The following CNTLN variants were observed in gnomAD, a reference collection of about 807,000 sequenced individuals.
The protein encoded by CNTLN is centlein.
CNTLN carries 212 observed loss-of-function variants against 180.0 expected under a neutral mutation model. The ratio of observed to expected loss-of-function variants is 1.18; its 90% CI spans 1.05 to 1.32. CNTLN has a LOEUF of 1.32. CNTLN is among the 40% of genes most tolerant of loss of function. The pLI, the probability that CNTLN is intolerant of heterozygous loss-of-function variation, is 0.00. For missense variants in CNTLN, 2,095 were observed against 1,610.9 expected, an observed-to-expected ratio of 1.30 and a Z score of -5.14; for synonymous variants, 722 against 563.1, an observed-to-expected ratio of 1.28 and a Z score of -3.99.
At chr9:17,416,871 C>T (rs542397271) in intron 18 of CNTLN, among the ~76,000 whole-genome samples, 32 of 150,544 alleles carry the variant, frequency 2.1e-4, no homozygotes, top group Non-Finnish European at 4.6e-4. Context: ...AATTATTTTG[C>T]ACAGAAAAAT....
At chr9:17,496,337 A>G (rs1487737328) in intron 25 of CNTLN, among the ~76,000 whole-genome samples, 1 of 152,208 alleles carries the variant, frequency 6.6e-6, no homozygotes, top group Non-Finnish European at 1.5e-5. Context: ...GAGAAGTCCA[A>G]GATCAGGCAT....
intron 18 of CNTLN, among the ~76,000 whole-genome samples, chr9:17,440,914 C>A (rs1165437564): frequency 1.3e-5 from 2 of 152,110 alleles, no homozygotes; most frequent in African/African-American, 4.8e-5. Context: ...AAATTGGATT[C>A]AGTGGTTGAC....
At chr9:17,206,404 G>A (rs894013325) in intron 2 of CNTLN, among the ~76,000 whole-genome samples, 12 of 152,246 alleles carry the variant, frequency 7.9e-5, no homozygotes, top group Non-Finnish European at 1.6e-4. Context: ...TTGCAAAATC[G>A]GATGACATTA....
chr9:17,179,744 A>G (rs1007430140), intron 2 of CNTLN, among the ~76,000 whole-genome samples: 1 of 152,160 alleles, frequency 6.6e-6, no homozygotes, highest in Non-Finnish European at 1.5e-5. Flanking sequence ...AGTTCTATAC[A>G]TTGTTGAGAG....
At chr9:17,287,326 T>C (rs1176734329) in intron 6 of CNTLN, among the ~76,000 whole-genome samples, 1 of 148,400 alleles carries the variant, frequency 6.7e-6, no homozygotes, top group Non-Finnish European at 1.5e-5. Flanking sequence ...TTTGCGTATA[T>C]TGAACCAGCC....
chr9:17,368,126 G>C (rs961019023), intron 13 of CNTLN, among the ~76,000 whole-genome samples: 1 of 151,902 alleles, frequency 6.6e-6, no homozygotes, highest in African/African-American at 2.4e-5. Context: ...TGCACTGAAA[G>C]GTGAGTCCCA....
At chr9:17,199,304 C>T (rs538748289) in intron 2 of CNTLN, among the ~76,000 whole-genome samples, 7 of 151,148 alleles carry the variant, frequency 4.6e-5, no homozygotes, top group South Asian at 2.1e-4. Context: ...CTCTGCCTCC[C>T]GGGTTCAAGC....
chr9:17,426,092 G>C (rs946558560), intron 18 of CNTLN, among the ~76,000 whole-genome samples: 1 of 152,214 alleles, frequency 6.6e-6, no homozygotes, highest in Non-Finnish European at 1.5e-5. Context: ...ATCAGGAACA[G>C]AGATTGGATT....
At chr9:17,236,656 G>A (rs1014414320) in intron 5 of CNTLN, 68 bp downstream of exon 5, 16 of 1,286,080 alleles carry the variant, frequency 1.2e-5, no homozygotes, top group Non-Finnish European at 1.6e-5. Flanking sequence ...TTTAATACAT[G>A]TTATTTTCTT....
chr9:17,274,353 A>C (rs1828152418), intron 6 of CNTLN, among the ~76,000 whole-genome samples: 2 of 150,446 alleles, frequency 1.3e-5, no homozygotes, highest in Admixed American at 1.3e-4. Flanking sequence ...CTGTTTTTTA[A>C]AGATGTTAAA....
chr9:17,359,008 C>G (rs143063951), intron 12 of CNTLN, among the ~76,000 whole-genome samples: 1 of 146,872 alleles, frequency 6.8e-6, no homozygotes. Context: ...TTCCTCTCCT[C>G]TCCCCTCCCC....
At chr9:17,514,229 G>C in the CNTLN span, among the ~76,000 whole-genome samples, 8 of 152,022 alleles carry the variant, frequency 5.3e-5, no homozygotes, top group Non-Finnish European at 1.2e-4. Context: ...AGGATCGCTT[G>C]AGTCTGGGGA....
intron 5 of CNTLN, among the ~76,000 whole-genome samples, chr9:17,269,417 C>A (rs1827773394): frequency 6.6e-6 from 1 of 152,060 alleles, no homozygotes; most frequent in African/African-American, 2.4e-5. Context: ...TTGCCTCTTA[C>A]CATTCCTTTT....
chr9:17,240,759 A>G (rs1825435175), intron 5 of CNTLN, among the ~76,000 whole-genome samples: 1 of 152,128 alleles, frequency 6.6e-6, no homozygotes, highest in Non-Finnish European at 1.5e-5. Flanking sequence ...ATATGATCCC[A>G]TGTGTACATT....
At chr9:17,349,674 C>A (rs1358953146) in intron 12 of CNTLN, among the ~76,000 whole-genome samples, 1 of 151,994 alleles carries the variant, frequency 6.6e-6, no homozygotes, top group African/African-American at 2.4e-5. Context: ...GAATATAGTT[C>A]CTATAATATT....
At chr9:17,464,182 A>G (rs1831610974) in intron 20 of CNTLN, among the ~76,000 whole-genome samples, 1 of 151,380 alleles carries the variant, frequency 6.6e-6, no homozygotes, top group Non-Finnish European at 1.5e-5. Context: ...TTTCACAGCA[A>G]TGTAAAAATG....
At chr9:17,528,505 C>T in the CNTLN span, among the ~76,000 whole-genome samples, 2 of 152,106 alleles carry the variant, frequency 1.3e-5, no homozygotes, top group South Asian at 2.1e-4. Flanking sequence ...CTGTCCCACC[C>T]GAAAGGACAC....
At chr9:17,258,050 C>G (rs1826646253) in intron 5 of CNTLN, among the ~76,000 whole-genome samples, 1 of 150,790 alleles carries the variant, frequency 6.6e-6, no homozygotes, top group African/African-American at 2.5e-5. Flanking sequence ...GAAGTCCTTG[C>G]CCATGCCTAT....
intron 2 of CNTLN, among the ~76,000 whole-genome samples, chr9:17,164,455 A>ATTTTTTTT (rs1586971182): frequency 2.3e-5 from 2 of 88,214 alleles, no homozygotes; most frequent in East Asian, 5.5e-4. Context: ...CCTTATTTTT[A>ATTTTTTTT]TGTTTTTTTT....
Sources: gnomAD v4.1 joint callset for allele counts (sites outside exome capture counted in the v4.1 genomes callset) on GRCh38, gnomAD v4.1.1 for gene constraint, MANE v1.5 for transcripts, NCBI Gene and HGNC (gene_info 2026-07-23, HGNC 2026-07-21) for gene names.